Variants in OR6V1 observed in about 807,000 individuals in gnomAD.
OR6V1 encodes the protein olfactory receptor family 6 subfamily V member 1.
A neutral mutation model predicts 13.2 loss-of-function variants in OR6V1; 10 were observed. The ratio of observed to expected loss-of-function variants is 0.76; its 90% CI spans 0.47 to 1.28. The LOEUF is 1.28. Among genes scored for constraint, OR6V1 ranks in the 50% most tolerant of loss-of-function variants. OR6V1 has a pLI of 0.00. For synonymous variants in OR6V1, 137 were observed against 154.2 expected (o/e 0.89, Z 0.83); for missense variants, 350 against 380.4 (o/e 0.92, Z 0.67).
In OR6V1 at chr7:143,053,201, C is replaced by A. The variant is rs1304882762; in HGVS notation, c.861C>A (p.Ile287=). 1 of 1,613,774 alleles carries A rather than the reference C, an allele frequency of 6.2e-7. No homozygotes were observed. ...SVLTPFLNPF[I]LTFCNQTVKT... ...TCACCCCCTTTCTCAATCCCTTTAT[C>A]CTTACCTTCTGCAATCAGACAGTTA... Residue 287 remains isoleucine (I), a synonymous_variant, in exon 1 of 1, where the codon ATC becomes ATA. Coordinates refer to ENST00000418316, the MANE Select transcript of OR6V1 (RefSeq NM_001001667.1).
Position 143,053,219 on chromosome 7 carries a change from GA to G in OR6V1, c.880del (p.Thr294GlnfsTer13), listed in dbSNP as rs1205554853. 3 of 1,612,680 alleles carry G rather than the reference GA, an allele frequency of 1.9e-6. No homozygotes were observed. Among genetic ancestry groups the G allele is most frequent in the Non-Finnish European group, 2.5e-6 (3 of 1,179,878 alleles). ...NPFILTFCNQ[T>X]VKTVLQGQMQ... Reference sequence around the variant, plus strand: ...CCTTTATCCTTACCTTCTGCAATCAGACAGTTAAAACAGTGCTACAGGGGCA... The same window carrying G: ...CCTTTATCCTTACCTTCTGCAATCAGCAGTTAAAACAGTGCTACAGGGGCA... On this transcript the variant is annotated frameshift_variant, in exon 1 of 1. Coordinates refer to ENST00000418316, the MANE Select transcript of OR6V1 (RefSeq NM_001001667.1). LOFTEE classifies it high-confidence loss of function.
At position 143,052,693 on chromosome 7, in the gene OR6V1, T is replaced by A. The variant is rs1798217069; in HGVS notation, c.353T>A (p.Leu118His). The change falls in exon 1 of 1, where the codon CTT becomes CAT. Residue 118 changes from leucine (L) to histidine (H), a missense_variant. Coordinates refer to ENST00000418316, the MANE Select transcript of OR6V1 (RefSeq NM_001001667.1). ...TSFLILTDMA[L>H]DRFVAICHPL... Reference sequence around the variant, plus strand: ...TTCCTCATCCTGACAGACATGGCCCTTGATCGCTTTGTGGCCATCTGCCAC... The same window carrying A: ...TTCCTCATCCTGACAGACATGGCCCATGATCGCTTTGTGGCCATCTGCCAC... 2 of 1,613,912 alleles carry A rather than the reference T, an allele frequency of 1.2e-6. No homozygotes were observed. Among genetic ancestry groups the A allele is most frequent in the Non-Finnish European group, 1.7e-6 (2 of 1,179,890 alleles).
In OR6V1 at chr7:143,052,445, C is replaced by G; in HGVS notation, c.105C>G (p.Leu35=). 1 of 1,613,844 alleles carries G rather than the reference C, an allele frequency of 6.2e-7. No homozygotes were observed. The highest frequency in any genetic ancestry group is 8.5e-7 in the Non-Finnish European group (1 of 1,179,802). The change falls in exon 1 of 1, where the codon CTC becomes CTG. Residue 35 remains leucine (L), a synonymous_variant. Coordinates refer to ENST00000418316, the MANE Select transcript of OR6V1 (RefSeq NM_001001667.1). ...GCCCCTTCCTCATGCTTTATCTTCT[C>G]GCCTTCATGGGAAACACCATCATCA... ...LYGPFLMLYL[L]AFMGNTIIIV... is the part of the protein sequence containing the mutation.
In OR6V1 at chr7:143,052,576, T is replaced by C; in HGVS notation, c.236T>C (p.Met79Thr). 2.5e-6 allele frequency: 4 copies of C among 1,614,056 alleles called. No individual in the cohort carries two copies. The highest frequency in any genetic ancestry group is 3.4e-6 in the Non-Finnish European group (4 of 1,179,892). ...ILVTMTAVPRMLSDLLVPHKV... is the reference protein window; with the variant it reads ...ILVTMTAVPRTLSDLLVPHKV... ...GTAACCATGACTGCAGTGCCCAGGATGCTCTCAGACCTGTTGGTCCCCCAC... is the reference window on the plus strand; with the variant it reads ...GTAACCATGACTGCAGTGCCCAGGACGCTCTCAGACCTGTTGGTCCCCCAC... Residue 79 changes from methionine to threonine, a missense_variant, in exon 1 of 1, where the codon ATG becomes ACG. Physicochemically the swap from Met to Thr is moderately conservative, Grantham distance 81. Coordinates refer to ENST00000418316, the MANE Select transcript of OR6V1 (RefSeq NM_001001667.1).
chr7:143,052,442 T>C lies in OR6V1; in HGVS notation c.102T>C (p.Leu34=), dbSNP rs1411935712. ...LLYGPFLMLY[L]LAFMGNTIII... ...ATGGCCCCTTCCTCATGCTTTATCT[T>C]CTCGCCTTCATGGGAAACACCATCA... Residue 34 remains leucine, a synonymous_variant, in exon 1 of 1, where the codon CTT becomes CTC. Coordinates refer to ENST00000418316, the MANE Select transcript of OR6V1 (RefSeq NM_001001667.1). 1 of 1,613,920 alleles carries C rather than the reference T, an allele frequency of 6.2e-7. No homozygotes were observed. Among genetic ancestry groups the C allele is most frequent in the Admixed American group, 1.7e-5 (1 of 60,026 alleles).
chr7:143,052,530 T>C lies in OR6V1; in HGVS notation c.190T>C (p.Phe64Leu). The change falls in exon 1 of 1, where the codon TTT becomes CTT. Residue 64 changes from phenylalanine (F) to leucine (L), a missense_variant. Phe to Leu is a conservative substitution (Grantham distance 22). Transcript: ENST00000418316. ...HTPMYFFLGNFSLLEILVTMT... is the reference protein window; with the variant it reads ...HTPMYFFLGNLSLLEILVTMT... ...ACCCATGTACTTCTTCCTGGGCAAT[T>C]TTTCCCTGCTGGAGATCTTGGTAAC... The C allele has an allele frequency of 6.2e-7, 1 of 1,613,998 alleles. No homozygotes were observed. The highest frequency in any genetic ancestry group is 8.5e-7 in the Non-Finnish European group (1 of 1,179,886).
rs1382661235 is a variant in OR6V1, at chr7:143,053,086, G to T, written c.746G>T (p.Gly249Val). Residue 249 changes from glycine to valine, a missense_variant, in exon 1 of 1, where the codon GGC becomes GTC. By Grantham distance (109) the Gly-to-Val change is moderately radical (BLOSUM62 -3). Transcript: ENST00000418316. ...CGSHLTLVFI[G>V]YSSTIFLYVR... ...TCTCACCTCACACTGGTCTTCATCG[G>T]CTACAGTAGTACCATCTTTCTGTAT... 1 of 1,613,996 alleles carries T rather than the reference G, an allele frequency of 6.2e-7. No homozygotes were observed. The highest frequency in any genetic ancestry group is 8.5e-7 in the Non-Finnish European group (1 of 1,179,892).
chr7:143,052,597 C>T lies in OR6V1; in HGVS notation c.257C>T (p.Pro86Leu). The part of the protein sequence containing the change: ...VPRMLSDLLV[P>L]HKVITFTGCM... ...AGGATGCTCTCAGACCTGTTGGTCCCCCACAAAGTCATTACCTTCACTGGC... is the reference window on the plus strand; with the variant it reads ...AGGATGCTCTCAGACCTGTTGGTCCTCCACAAAGTCATTACCTTCACTGGC... Residue 86 changes from proline to leucine, a missense_variant, in exon 1 of 1, where the codon CCC becomes CTC. Pro to Leu is a moderately conservative substitution (Grantham distance 98). Coordinates refer to ENST00000418316, the MANE Select transcript of OR6V1 (RefSeq NM_001001667.1). 6.2e-7 allele frequency: 1 copy of T among 1,614,048 alleles called. No homozygotes were observed.
At position 143,052,803 on chromosome 7, in the gene OR6V1, G is replaced by T; in HGVS notation, c.463G>T (p.Val155Leu). ...CTGGGCAGCTCCTTTCCTAGCCATG[G>T]TACCCACTGTCCTCTCCCGAGCTCA... ...AAWAAPFLAM[V>L]PTVLSRAHLD... is the part of the protein sequence containing the mutation. The change falls in exon 1 of 1, where the codon GTA becomes TTA. Residue 155 changes from valine to leucine, a missense_variant. Transcript: ENST00000418316. 2 of 1,613,982 alleles carry T rather than the reference G, an allele frequency of 1.2e-6. No homozygotes were observed. The highest frequency in any genetic ancestry group is 1.7e-6 in the Non-Finnish European group (2 of 1,179,866).
Position 143,052,658 on chromosome 7 carries a change from G to A in OR6V1, c.318G>A (p.Gly106=), listed in dbSNP as rs1798216113. The change falls in exon 1 of 1, where the codon GGG becomes GGA. Residue 106 remains glycine (G), a synonymous_variant. Coordinates refer to ENST00000418316, the MANE Select transcript of OR6V1 (RefSeq NM_001001667.1). ...AGTTCTACTTCCACTTTTCCCTGGG[G>A]TCCACCTCCTTCCTCATCCTGACAG... The part of the protein sequence containing the change: ...MVQFYFHFSL[G]STSFLILTDM... The A allele has an allele frequency of 6.2e-7, 1 of 1,613,842 alleles. No homozygotes were observed. Among genetic ancestry groups the A allele is most frequent in the African/African-American group, 1.3e-5 (1 of 74,900 alleles).
rs2116478891 is a variant in OR6V1, at chr7:143,052,898, A to G, written c.558A>G (p.Ser186=). The G allele has an allele frequency of 1.2e-6, 2 of 1,614,022 alleles. No individual in the cohort carries two copies. The highest frequency in any genetic ancestry group is 8.5e-7 in the Non-Finnish European group (1 of 1,179,874). ...ACAATGAACCTCTCCTGCAGTTGTC[A>G]TGCTCTGACACTCGCCTGTTGGAAT... ...FCDNEPLLQL[S]CSDTRLLEFW... is the part of the protein sequence containing the mutation. The change falls in exon 1 of 1, where the codon TCA becomes TCG. Residue 186 remains serine (S), a synonymous_variant. Transcript: ENST00000418316.
At position 143,053,077 on chromosome 7, in the gene OR6V1, T is replaced by G; in HGVS notation, c.737T>G (p.Val246Gly). 6.2e-7 allele frequency: 1 copy of G among 1,613,982 alleles called. No homozygotes were observed. The highest frequency in any genetic ancestry group is 8.5e-7 in the Non-Finnish European group (1 of 1,179,874). ...FSTCGSHLTL[V>G]FIGYSSTIFL... Reference sequence around the variant, plus strand: ...ACTTGCGGGTCTCACCTCACACTGGTCTTCATCGGCTACAGTAGTACCATC... The same window carrying G: ...ACTTGCGGGTCTCACCTCACACTGGGCTTCATCGGCTACAGTAGTACCATC... Residue 246 changes from valine to glycine, a missense_variant, in exon 1 of 1, where the codon GTC becomes GGC. By Grantham distance (109) the Val-to-Gly change is moderately radical. Transcript: ENST00000418316.
chr7:143,052,908 A>C lies in OR6V1; in HGVS notation c.568A>C (p.Thr190Pro). The change falls in exon 1 of 1, where the codon ACT becomes CCT. Residue 190 changes from threonine (T) to proline (P), a missense_variant. Thr to Pro is a conservative substitution (Grantham distance 38). Coordinates refer to ENST00000418316, the MANE Select transcript of OR6V1 (RefSeq NM_001001667.1). Reference protein sequence around the residue: ...EPLLQLSCSDTRLLEFWDFLM... With the variant: ...EPLLQLSCSDPRLLEFWDFLM... ...TCTCCTGCAGTTGTCATGCTCTGAC[A>C]CTCGCCTGTTGGAATTCTGGGACTT... The C allele has an allele frequency of 6.2e-7, 1 of 1,613,830 alleles. No homozygotes were observed. Among genetic ancestry groups the C allele is most frequent in the Non-Finnish European group, 8.5e-7 (1 of 1,179,834 alleles).
Position 143,052,962 on chromosome 7 carries a change from T to C in OR6V1, c.622T>C (p.Ser208Pro), listed in dbSNP as rs1371652725. 6.2e-7 allele frequency: 1 copy of C among 1,614,028 alleles called. No homozygotes were observed. Among genetic ancestry groups the C allele is most frequent in the African/African-American group, 1.3e-5 (1 of 75,058 alleles). Residue 208 changes from serine (S) to proline (P), a missense_variant, in exon 1 of 1, where the codon TCC becomes CCC. Transcript: ENST00000418316. ...FLMALTFVLS[S>P]FLVTLISYGY... ...GATGGCCTTGACCTTTGTCCTCAGCTCCTTCCTGGTGACCCTCATCTCCTA... is the reference window on the plus strand; with the variant it reads ...GATGGCCTTGACCTTTGTCCTCAGCCCCTTCCTGGTGACCCTCATCTCCTA...
In OR6V1 at chr7:143,053,216, TCAGA is replaced by T. The variant is rs779394087; in HGVS notation, c.880_883del (p.Thr294LeufsTer12). On this transcript the variant is annotated frameshift_variant, in exon 1 of 1. Coordinates refer to ENST00000418316, the MANE Select transcript of OR6V1 (RefSeq NM_001001667.1). LOFTEE classifies it high-confidence loss of function. ...ATCCCTTTATCCTTACCTTCTGCAATCAGACAGTTAAAACAGTGCTACAGGGGCA... is the reference window on the plus strand; with the variant it reads ...ATCCCTTTATCCTTACCTTCTGCAATCAGTTAAAACAGTGCTACAGGGGCA... 6.2e-7 allele frequency: 1 copy of T among 1,613,124 alleles called. No homozygotes were observed. The highest frequency in any genetic ancestry group is 1.3e-5 in the African/African-American group (1 of 75,032).
chr7:143,052,502 T>TTGAGCAGTTCTGTGGGGAGGG lies in OR6V1; in HGVS notation c.162_163insTGAGCAGTTCTGTGGGGAGGG (p.His54_Thr55insTer). The TTGAGCAGTTCTGTGGGGAGGG allele has an allele frequency of 6.2e-7, 1 of 1,614,012 alleles. No homozygotes were observed. Among genetic ancestry groups the TTGAGCAGTTCTGTGGGGAGGG allele is most frequent in the Middle Eastern group, 1.6e-4 (1 of 6,062 alleles). ...TGGTCATAGCTGACACCCACCTACA[T>TTGAGCAGTTCTGTGGGGAGGG]ACACCCATGTACTTCTTCCTGGGCA... is the stretch of plus-strand genomic sequence containing the variant. On this transcript the variant is annotated stop_gained and inframe_insertion, in exon 1 of 1. Coordinates refer to ENST00000418316, the MANE Select transcript of OR6V1 (RefSeq NM_001001667.1). LOFTEE classifies it high-confidence loss of function.
rs1468714434 is a variant in OR6V1, at chr7:143,052,785, G to C, written c.445G>C (p.Ala149Pro). Residue 149 changes from alanine to proline, a missense_variant, in exon 1 of 1, where the codon GCT becomes CCT. By Grantham distance (27) the Ala-to-Pro change is conservative (BLOSUM62 -1). Transcript: ENST00000418316. ...CVQLAGAAWA[A>P]PFLAMVPTVL... ...CCAGCTGGCTGGGGCTGCCTGGGCA[G>C]CTCCTTTCCTAGCCATGGTACCCAC... 1.2e-6 allele frequency: 2 copies of C among 1,614,038 alleles called. No individual in the cohort carries two copies. The highest frequency in any genetic ancestry group is 1.7e-6 in the Non-Finnish European group (2 of 1,179,898).
rs1316855979 is a variant in OR6V1 at position 143,053,206 on chromosome 7, C to T, written c.866C>T (p.Thr289Ile). ...LTPFLNPFIL[T>I]FCNQTVKTVL... ...CCCTTTCTCAATCCCTTTATCCTTA[C>T]CTTCTGCAATCAGACAGTTAAAACA... Residue 289 changes from threonine to isoleucine, a missense_variant, in exon 1 of 1, where the codon ACC (threonine) becomes ATC (isoleucine). Thr to Ile is a moderately conservative substitution (Grantham distance 89). Coordinates refer to ENST00000418316, the MANE Select transcript of OR6V1 (RefSeq NM_001001667.1). 6.2e-7 allele frequency: 1 copy of T among 1,613,624 alleles called. No individual in the cohort carries two copies. The highest frequency in any genetic ancestry group is 2.2e-5 in the East Asian group (1 of 44,880).
In OR6V1 at chr7:143,053,040, A is replaced by G; in HGVS notation, c.700A>G (p.Lys234Glu). 6.2e-7 allele frequency: 1 copy of G among 1,614,016 alleles called. No homozygotes were observed. The highest frequency in any genetic ancestry group is 1.7e-5 in the Admixed American group (1 of 60,020). The stretch of plus-strand genomic sequence containing the variant: ...GATCCCCTCTGCCAGCAGCTGCCAG[A>G]AGGCTTTCTCCACTTGCGGGTCTCA... ...LRIPSASSCQ[K>E]AFSTCGSHLT... The change falls in exon 1 of 1, where the codon AAG (lysine) becomes GAG (glutamate). Residue 234 changes from lysine (K) to glutamate (E), a missense_variant. Transcript: ENST00000418316.
Sources: allele counts gnomAD v4.1 joint callset, GRCh38; gene constraint gnomAD v4.1.1; transcripts MANE v1.5; gene names NCBI Gene and HGNC (gene_info 2026-07-23, HGNC 2026-07-21).